The following PITX1 variants were observed in gnomAD, a reference collection of about 807,000 sequenced individuals.
PITX1 encodes the protein pituitary homeobox 1.
A neutral mutation model predicts 24.1 loss-of-function variants in PITX1; 5 were observed. The ratio of observed to expected loss-of-function variants is 0.21; its 90% confidence interval spans 0.11 to 0.44. The LOEUF (loss-of-function observed/expected upper bound fraction) is 0.44. PITX1 is among the 20% of genes least tolerant of loss of function. PITX1 has a pLI of 0.99. For missense variants in PITX1, 401 were observed against 455.4 expected (o/e 0.88, Z 1.09); for synonymous variants, 213 against 208.9 (o/e 1.02, Z -0.17).
At chr5:135,030,089 A>G (rs1752422733) in intron 2 of PITX1, among the ~76,000 whole-genome samples, 1 of 152,036 alleles carries the variant, frequency 6.6e-6, no homozygotes, top group African/African-American at 2.4e-5. Flanking sequence ...AATTTTTTCT[A>G]TTCTTACTAG....
rs1276054397 is a variant in PITX1 at position 135,028,709 on chromosome 5, T to G, written c.*70A>C. ...GGGGCTTGCGAGCCGGGGCCCCGCG[T>G]GCGTCCTCCGCGCCCGCGCCCGCGC... On this transcript the variant is annotated 3_prime_UTR_variant, in exon 3 of 3. Transcript: ENST00000265340. 1 of 1,158,166 alleles carries G rather than the reference T, an allele frequency of 8.6e-7. No homozygotes were observed. Among genetic ancestry groups the G allele is most frequent in the South Asian group, 3.0e-5 (1 of 33,540 alleles). The allele number at this position is 1,158,166 out of a possible 1,614,324, so 71.7% of individuals were successfully genotyped here.
chr5:135,031,673 G>T, intron 1 of PITX1, 165 bp from the exon 2 acceptor site: 1 of 620,150 alleles, frequency 1.6e-6, no homozygotes, highest in Non-Finnish European at 2.8e-6. Context: ...CCGGGTGCTG[G>T]TCGTCAGTAG....
At position 135,028,689 on chromosome 5, in the gene PITX1, T is replaced by C. The variant is rs1274007884; in HGVS notation, c.*90A>G. ...GGTCCGCGGCGCGGTGAGCTGGGGC[T>C]TGCGAGCCGGGGCCCCGCGTGCGTC... On this transcript the variant is annotated 3_prime_UTR_variant, in exon 3 of 3. Coordinates refer to ENST00000265340, the MANE Select transcript of PITX1 (RefSeq NM_002653.5). 3.3e-6 allele frequency: 3 copies of C among 920,044 alleles called. No individual in the cohort carries two copies. The African/African-American group carries it at 5.3e-5, about 16-fold the overall frequency. 57.0% of individuals were successfully genotyped at this position (920,044 alleles called of 1,614,324 possible). A position where few individuals can be genotyped will look rare whatever the true frequency, so the allele number is the denominator to read the frequency against.
At position 135,028,390 on chromosome 5, in the gene PITX1, T is replaced by TC. The variant is rs1580924819; in HGVS notation, c.*388dup. 1 of 154,378 alleles carries TC rather than the reference T, an allele frequency of 6.5e-6. No individual in the cohort carries two copies. The highest frequency in any genetic ancestry group is 2.1e-4 in the South Asian group (1 of 4,838). The allele number at this position is 154,378 out of a possible 1,614,324, so 9.6% of individuals were successfully genotyped here. A position where few individuals can be genotyped will look rare whatever the true frequency, so the allele number is the denominator to read the frequency against. On this transcript the variant is annotated 3_prime_UTR_variant, in exon 3 of 3. Coordinates refer to ENST00000265340, the MANE Select transcript of PITX1 (RefSeq NM_002653.5). ...GGGGACGCGGGATACGAGGTCGTCC[T>TC]CCCCCGGCCGCTGGGCCTCGGCGCT...
At position 135,033,408 on chromosome 5, in the gene PITX1, G is replaced by A. The variant is rs564952358; in HGVS notation, c.169+305C>T. On this transcript the variant is annotated intron_variant, in intron 1 of 2. Transcript: ENST00000265340. The surrounding 1 kb of genome is among the most constrained non-coding windows in gnomAD (Gnocchi z 5.9). ...GAGCCGCTCCTTAGCGCCCAGTTGC[G>A]CAAATCAAATTCTTTCCCGTTCTAT... The A allele has an allele frequency of 1.7e-3, 708 of 422,586 alleles. 3 individuals are homozygous for A. Among genetic ancestry groups the A allele is most frequent in the Middle Eastern group, 9.4e-3 (14 of 1,496 alleles). 26.2% of individuals were successfully genotyped at this position (422,586 alleles called of 1,614,324 possible).
Position 135,029,030 on chromosome 5 carries a change from C to T in PITX1, c.694G>A (p.Gly232Ser), listed in dbSNP as rs746291345. The change falls in exon 3 of 3, where the codon GGC becomes AGC. Residue 232 changes from glycine (G) to serine (S), a missense_variant. Coordinates refer to ENST00000265340, the MANE Select transcript of PITX1 (RefSeq NM_002653.5). ...SMTMPSSMGP[G>S]AVPGMPNSGL... Reference sequence around the variant, plus strand: ...GAGTTGGGCATGCCAGGCACGGCGCCTGGGCCCATGCTGGACGGCATGGTC... The same window carrying T: ...GAGTTGGGCATGCCAGGCACGGCGCTTGGGCCCATGCTGGACGGCATGGTC... 5 of 1,614,122 alleles carry T rather than the reference C, an allele frequency of 3.1e-6. No homozygotes were observed. The Admixed American group carries it at 8.3e-5, about 27-fold the overall frequency.
In PITX1 at chr5:135,033,514, A is replaced by AC; in HGVS notation, c.169+198dup. The AC allele has an allele frequency of 1.7e-6, 1 of 601,934 alleles. No individual in the cohort carries two copies. 37.3% of individuals were successfully genotyped at this position (601,934 alleles called of 1,614,324 possible). A position where few individuals can be genotyped will look rare whatever the true frequency, so the allele number is the denominator to read the frequency against. The stretch of plus-strand genomic sequence containing the variant: ...TCTGCCAGTCTCTTGGCGCGTGGGG[A>AC]CCGCGTGGAAGTGCCTTCGCGTGTG... On this transcript the variant is annotated intron_variant, in intron 1 of 2. Coordinates refer to ENST00000265340, the MANE Select transcript of PITX1 (RefSeq NM_002653.5). The surrounding 1 kb of genome is among the most constrained non-coding windows in gnomAD (Gnocchi z 5.9).
chr5:135,032,485 A>G (rs998870811), intron 1 of PITX1, among the ~76,000 whole-genome samples: 2 of 152,240 alleles, frequency 1.3e-5, no homozygotes, highest in African/African-American at 4.8e-5. Context: ...AATTCCCCAA[A>G]TAACACCACT....
intron 2 of PITX1, 61 bp downstream of exon 2, chr5:135,031,215 C>A: frequency 7.8e-7 from 1 of 1,289,768 alleles, no homozygotes; most frequent in Non-Finnish European, 1.1e-6. Flanking sequence ...TGGAGGGCTG[C>A]AGCAGAGGCG....
chr5:135,032,859 G>C (rs1167173807), intron 1 of PITX1: 2 of 352,724 alleles, frequency 5.7e-6, no homozygotes, highest in Admixed American at 8.0e-5. Flanking sequence ...AAAGTGGAGA[G>C]AAACATTCAG....
In PITX1 at chr5:135,028,745, T is replaced by C. The variant is rs1361848890; in HGVS notation, c.*34A>G. ...CGCCCGCGCCCGCGCCCTTCCCCGC[T>C]CCGGCCGCCGGCCCGCGTGGTGCGG... On this transcript the variant is annotated 3_prime_UTR_variant, in exon 3 of 3. Transcript: ENST00000265340. 3.4e-6 allele frequency: 5 copies of C among 1,482,876 alleles called. No individual in the cohort carries two copies. Among genetic ancestry groups the C allele is most frequent in the Non-Finnish European group, 4.5e-6 (5 of 1,117,114 alleles). 91.9% of individuals were successfully genotyped at this position (1,482,876 alleles called of 1,614,324 possible).
At chr5:135,034,421 C>A, upstream of PITX1, 1 of 151,688 alleles carries the variant, frequency 6.6e-6, no homozygotes, top group South Asian at 1.8e-4. Context: ...CCCGCGCCCT[C>A]CCCCTCCGCA....
rs1319432517 is a variant in PITX1, at chr5:135,028,721, GCCCGC to G, written c.*53_*57del. 12 of 449,116 alleles carry G rather than the reference GCCCGC, an allele frequency of 2.7e-5. No homozygotes were observed. The African/African-American group carries it at 2.9e-3, about 109-fold the overall frequency. The allele number at this position is 449,116 out of a possible 1,614,324, so 27.8% of individuals were successfully genotyped here. On this transcript the variant is annotated 3_prime_UTR_variant, in exon 3 of 3. Coordinates refer to ENST00000265340, the MANE Select transcript of PITX1 (RefSeq NM_002653.5). ...CCGGGGCCCCGCGTGCGTCCTCCGC[GCCCGC>G]GCCCGCGCCCTTCCCCGCTCCGGCC...
At chr5:135,031,111 T>C (rs1752438322) in intron 2 of PITX1, among the ~76,000 whole-genome samples, 165 bp downstream of exon 2, 1 of 151,968 alleles carries the variant, frequency 6.6e-6, no homozygotes, top group Non-Finnish European at 1.5e-5. Flanking sequence ...TGGCAGACGC[T>C]AGTGGGCCAG....
chr5:135,028,733 G>A lies in PITX1; in HGVS notation c.*46C>T. The stretch of plus-strand genomic sequence containing the variant: ...GTGCGTCCTCCGCGCCCGCGCCCGC[G>A]CCCTTCCCCGCTCCGGCCGCCGGCC... On this transcript the variant is annotated 3_prime_UTR_variant, in exon 3 of 3. Transcript: ENST00000265340. 2 of 1,265,232 alleles carry A rather than the reference G, an allele frequency of 1.6e-6. No homozygotes were observed. Among genetic ancestry groups the A allele is most frequent in the Admixed American group, 3.5e-5 (1 of 28,590 alleles). The allele number at this position is 1,265,232 out of a possible 1,614,324, so 78.4% of individuals were successfully genotyped here.
At chr5:135,031,564 G>A (rs1580927312) in intron 1 of PITX1, 56 bp from the exon 2 acceptor site, 4 of 1,431,598 alleles carry the variant, frequency 2.8e-6, no homozygotes, top group African/African-American at 2.8e-5. Flanking sequence ...GTTGCACCCC[G>A]TCCCGGCTCC....
chr5:135,031,398 T>C lies in PITX1; in HGVS notation c.280A>G (p.Thr94Ala). Reference protein sequence around the residue: ...AKKKKQRRQRTHFTSQQLQEL... With the variant: ...AKKKKQRRQRAHFTSQQLQEL... ...TGCAACTGCTGGCTTGTGAAGTGCG[T>C]ACGTTGCCGCCGCTGCTTCTTCTTC... Residue 94 changes from threonine to alanine, a missense_variant, in exon 2 of 3, where the codon ACG becomes GCG. Thr to Ala is a moderately conservative substitution (Grantham distance 58, BLOSUM62 0). Coordinates refer to ENST00000265340, the MANE Select transcript of PITX1 (RefSeq NM_002653.5). The C allele has an allele frequency of 1.2e-6, 2 of 1,614,090 alleles. No individual in the cohort carries two copies. The highest frequency in any genetic ancestry group is 1.7e-6 in the Non-Finnish European group (2 of 1,179,948).
chr5:135,030,245 A>G (rs1752424958), intron 2 of PITX1, among the ~76,000 whole-genome samples: 1 of 151,780 alleles, frequency 6.6e-6, no homozygotes, highest in Non-Finnish European at 1.5e-5. Context: ...TTCCTGAGCT[A>G]GTTTGCCAGA....
Position 135,028,847 on chromosome 5 carries a change from A to G in PITX1, c.877T>C (p.Ser293Pro). The stretch of plus-strand genomic sequence containing the variant: ...TGCAGGCCGCCGTAGCCAAACGACG[A>G]GTGCTGTTTGGACTTGAGCCGCAGG... ...ASLRLKSKQH[S>P]SFGYGGLQGP... The change falls in exon 3 of 3, where the codon TCG (serine) becomes CCG (proline). Residue 293 changes from serine (S) to proline (P), a missense_variant. By Grantham distance (74) the Ser-to-Pro change is moderately conservative (BLOSUM62 -1). Around this residue, in one of 3 missense-constraint regions of PITX1, gnomAD observed 217 missense variants for 219.8 expected, o/e 0.99. Transcript: ENST00000265340. 1 of 1,613,528 alleles carries G rather than the reference A, an allele frequency of 6.2e-7. No homozygotes were observed. The highest frequency in any genetic ancestry group is 8.5e-7 in the Non-Finnish European group (1 of 1,179,884).
Sources: allele counts gnomAD v4.1 joint callset (sites outside exome capture counted in the v4.1 genomes callset), GRCh38; gene constraint gnomAD v4.1.1; regional missense constraint gnomAD v4.1.1; non-coding constraint Gnocchi (gnomAD v3.1); transcripts MANE v1.5; gene names NCBI Gene and HGNC (gene_info 2026-07-23, HGNC 2026-07-21).